LRIG3: variants seen among roughly 807,000 people sequenced by gnomAD.
LRIG3 encodes the protein leucine-rich repeats and immunoglobulin-like domains protein 3.
In LRIG3, 76 loss-of-function variants were observed where a neutral mutation model predicts 114.5. The ratio of observed to expected loss-of-function variants is 0.66; its 90% CI spans 0.55 to 0.80. The LOEUF (loss-of-function observed/expected upper bound fraction) is 0.80. LRIG3 is among the 30% of genes least tolerant of loss of function. LRIG3 has a pLI of 0.00. For missense variants in LRIG3, 1,239 were observed against 1,382.8 expected (o/e 0.90, Z 1.65); for synonymous variants, 512 against 519.8 (o/e 0.98, Z 0.20).
intron 18 of LRIG3, 136 bp from the exon 19 acceptor site, chr12:58,872,952 A>C: frequency 8.8e-7 from 1 of 1,141,248 alleles, no homozygotes; most frequent in Non-Finnish European, 1.2e-6. Context: ...TATGGCACTC[A>C]CATACATGTA....
chr12:58,877,759 G>C lies in LRIG3; in HGVS notation c.2177C>G (p.Pro726Arg), dbSNP rs1048276059. The change falls in exon 15 of 19, where the codon CCT becomes CGT. Residue 726 changes from proline to arginine, a missense_variant. Coordinates refer to ENST00000320743, the MANE Select transcript of LRIG3 (RefSeq NM_153377.5). Reference protein sequence around the residue: ...LQCIAGGSPPPKLNWTKDDSP... With the variant: ...LQCIAGGSPPRKLNWTKDDSP... ...ATCATCTTTGGTCCAGTTCAGTTTAGGGGGAGGGCTTCCTCCAGCAATGCA... is the reference window on the plus strand; with the variant it reads ...ATCATCTTTGGTCCAGTTCAGTTTACGGGGAGGGCTTCCTCCAGCAATGCA... 3.7e-6 allele frequency: 6 copies of C among 1,614,152 alleles called. No homozygotes were observed. The highest frequency in any genetic ancestry group is 5.1e-6 in the Non-Finnish European group (6 of 1,180,032).
In LRIG3 at chr12:58,883,585, C is replaced by G; in HGVS notation, c.1251G>C (p.Leu417=). ...TGLDALEHLD[L]SDNAIMSLQG... Reference sequence around the variant, plus strand: ...GTAAAGACATGATTGCGTTGTCACTCAGGTCTCTGAAAAATCACCAAATCA... The same window carrying G: ...GTAAAGACATGATTGCGTTGTCACTGAGGTCTCTGAAAAATCACCAAATCA... The change falls in exon 11 of 19, where the codon CTG becomes CTC. Residue 417 remains leucine (L), a synonymous_variant. Transcript: ENST00000320743. The G allele has an allele frequency of 6.5e-7, 1 of 1,542,748 alleles. No individual in the cohort carries two copies. Among genetic ancestry groups the G allele is most frequent in the African/African-American group, 1.3e-5 (1 of 74,180 alleles).
At chr12:58,914,437 A>G (rs923148775) in intron 1 of LRIG3, 101 bp from the exon 2 acceptor site, 14 of 888,482 alleles carry the variant, frequency 1.6e-5, no homozygotes, top group Non-Finnish European at 2.3e-5. Context: ...TGAGAGCAGG[A>G]GAAATAATTG....
chr12:58,880,462 AAG>A (rs1299492798), intron 13 of LRIG3, 117 bp downstream of exon 13: 2 of 980,858 alleles, frequency 2.0e-6, no homozygotes, highest in African/African-American at 3.2e-5. Flanking sequence ...TAGGGAAAGG[AAG>A]AGTCAGGTGG....
chr12:58,880,259 G>T (rs1871076966), intron 13 of LRIG3: 1 of 386,446 alleles, frequency 2.6e-6, no homozygotes, highest in African/African-American at 2.3e-5. Context: ...TTGCAACCAG[G>T]ATGTCATCCA....
chr12:58,913,821 A>G (rs1872371853), intron 3 of LRIG3, 161 bp downstream of exon 3: 2 of 587,552 alleles, frequency 3.4e-6, no homozygotes, highest in Non-Finnish European at 5.9e-6. Context: ...AGAGAGTTAG[A>G]GGCTAGAAAA....
chr12:58,914,502 A>G, intron 1 of LRIG3, 166 bp from the exon 2 acceptor site: 1 of 560,698 alleles, frequency 1.8e-6, no homozygotes, highest in East Asian at 2.8e-5. Flanking sequence ...CAAAAATACA[A>G]GCTCCAAGGA....
Position 58,887,855 on chromosome 12 carries a change from A to G in LRIG3, c.1025T>C (p.Ile342Thr). ...AATGTAGCTGACTCTGTTGTTCCCA[A>G]TGTGCAGTGTATTTAGTAAGCTTAG... ...LGLSLLNTLH[I>T]GNNRVSYIAD... is the part of the protein sequence containing the mutation. Residue 342 changes from isoleucine (I) to threonine (T), a missense_variant, in exon 8 of 19, where the codon ATT becomes ACT. Coordinates refer to ENST00000320743, the MANE Select transcript of LRIG3 (RefSeq NM_153377.5). The G allele has an allele frequency of 1.2e-6, 2 of 1,613,896 alleles. No individual in the cohort carries two copies. Among genetic ancestry groups the G allele is most frequent in the Non-Finnish European group, 8.5e-7 (1 of 1,179,840 alleles).
intron 1 of LRIG3, among the ~76,000 whole-genome samples, chr12:58,915,272 A>G (rs1849878266): frequency 6.6e-6 from 1 of 152,238 alleles, no homozygotes; most frequent in Admixed American, 6.5e-5. Flanking sequence ...CGGGATAACA[A>G]ATAGTATGGC....
intron 9 of LRIG3, 75 bp downstream of exon 9, chr12:58,886,735 T>G: frequency 8.3e-7 from 1 of 1,202,568 alleles, no homozygotes; most frequent in Non-Finnish European, 1.2e-6. Flanking sequence ...GATGTCAACT[T>G]GTATAGCTGA....
intron 3 of LRIG3, 26 bp from the exon 4 acceptor site, chr12:58,890,822 A>C: frequency 1.9e-6 from 3 of 1,591,084 alleles, no homozygotes; most frequent in Non-Finnish European, 2.6e-6. Context: ...ACCACAGTTA[A>C]CAAGGTTAAC....
chr12:58,885,804 T>C (rs750352547), intron 10 of LRIG3, 27 bp downstream of exon 10: 3 of 1,492,246 alleles, frequency 2.0e-6, no homozygotes, highest in Non-Finnish European at 2.7e-6. Context: ...GATTCTCTTT[T>C]AGGGTAACTA....
intron 3 of LRIG3, among the ~76,000 whole-genome samples, chr12:58,907,691 A>C (rs1321122085): frequency 2.0e-5 from 3 of 152,236 alleles, no homozygotes; most frequent in Admixed American, 6.5e-5. Flanking sequence ...AAGAAAAGTT[A>C]ATTAAGTCTG....
Position 58,877,849 on chromosome 12 carries a change from G to A in LRIG3, c.2087C>T (p.Thr696Ile), listed in dbSNP as rs1870982747. ...CAACAGTGGCCGCAAAAATGATGGT[G>A]TTTCTGAAATAACAAGTTATGCTTT... ...SANATLTVLE[T>I]PSFLRPLLDR... Residue 696 changes from threonine (T) to isoleucine (I), a missense_variant, in exon 15 of 19, where the codon ACA becomes ATA. By Grantham distance (89) the Thr-to-Ile change is moderately conservative. Transcript: ENST00000320743. The A allele has an allele frequency of 3.8e-6, 6 of 1,595,374 alleles. No homozygotes were observed. The East Asian group carries it at 1.4e-4, about 36-fold the overall frequency.
intron 3 of LRIG3, among the ~76,000 whole-genome samples, chr12:58,904,390 T>C (rs1309234929): frequency 6.6e-6 from 1 of 152,200 alleles, no homozygotes; most frequent in Non-Finnish European, 1.5e-5. Flanking sequence ...AGTCTCCTTT[T>C]GGCACAGAGA....
chr12:58,906,103 A>C (rs1195935140), intron 3 of LRIG3, among the ~76,000 whole-genome samples: 2 of 152,198 alleles, frequency 1.3e-5, no homozygotes, highest in African/African-American at 4.8e-5. Context: ...CTCTATACTC[A>C]GATCAGAGTA....
At position 58,882,911 on chromosome 12, in the gene LRIG3, C is replaced by CG; in HGVS notation, c.1437_1438insC (p.Gly480ArgfsTer8). The CG allele has an allele frequency of 6.2e-7, 1 of 1,614,090 alleles. No homozygotes were observed. The highest frequency in any genetic ancestry group is 8.5e-7 in the Non-Finnish European group (1 of 1,179,982). On this transcript the variant is annotated frameshift_variant, in exon 12 of 19. Transcript: ENST00000320743. LOFTEE classifies it high-confidence loss of function. Reference sequence around the variant, plus strand: ...GGGCTAACAGCAAAAATGCTTCTTCCTTTTAGCAGCTGAGGATGGGCACAA... The same window carrying CG: ...GGGCTAACAGCAAAAATGCTTCTTCCGTTTTAGCAGCTGAGGATGGGCACAA...
chr12:58,880,869 G>A lies in LRIG3; in HGVS notation c.1513C>T (p.Pro505Ser), dbSNP rs201261850. The change falls in exon 13 of 19, where the codon CCA becomes TCA. Residue 505 changes from proline to serine, a missense_variant. Physicochemically the swap from Pro to Ser is moderately conservative, Grantham distance 74. Coordinates refer to ENST00000320743, the MANE Select transcript of LRIG3 (RefSeq NM_153377.5). ...DFPKPQITVQ[P>S]ETQSAIKGSN... Reference sequence around the variant, plus strand: ...CCTTTTATTGCCGACTGTGTTTCTGGCTGAACCGTGATCTGGGGTTTGGGA... The same window carrying A: ...CCTTTTATTGCCGACTGTGTTTCTGACTGAACCGTGATCTGGGGTTTGGGA... 102 of 1,613,504 alleles carry A rather than the reference G, an allele frequency of 6.3e-5. No individual in the cohort carries two copies. Among genetic ancestry groups the A allele is most frequent in the Non-Finnish European group, 6.8e-6 (8 of 1,179,550 alleles).
intron 3 of LRIG3, among the ~76,000 whole-genome samples, chr12:58,909,819 G>C (rs1298376898): frequency 6.6e-6 from 1 of 152,204 alleles, no homozygotes; most frequent in Non-Finnish European, 1.5e-5. Flanking sequence ...CTGTTCTACT[G>C]ACGTGACTTC....
Sources: gnomAD v4.1 joint callset for allele counts (sites outside exome capture counted in the v4.1 genomes callset) on GRCh38, gnomAD v4.1.1 for gene constraint, MANE v1.5 for transcripts, NCBI Gene and HGNC (gene_info 2026-07-23, HGNC 2026-07-21) for gene names.